ATRNL1: variants seen among roughly 807,000 people sequenced by gnomAD.
ATRNL1 encodes attractin-like protein 1.
In ATRNL1, 95 loss-of-function variants were observed where a neutral mutation model predicts 182.7. The ratio of observed to expected loss-of-function variants is 0.52; its 90% CI spans 0.44 to 0.62. The LOEUF is 0.62. Among genes scored for constraint, ATRNL1 ranks in the 20% least tolerant of loss-of-function variants. ATRNL1 has a pLI of 0.00. For synonymous variants in ATRNL1, 576 were observed against 568.3 expected, an observed-to-expected ratio of 1.01 and a Z score of -0.19; for missense variants, 1,471 against 1,679.5, an observed-to-expected ratio of 0.88 and a Z score of 2.17.
At chr10:115,274,849 A>T (rs1346301411) in intron 13 of ATRNL1, among the ~76,000 whole-genome samples, 1 of 152,232 alleles carries the variant, frequency 6.6e-6, no homozygotes, top group Admixed American at 6.5e-5. Flanking sequence ...TAATTGCCCA[A>T]GCAATGAAAC....
intron 27 of ATRNL1, among the ~76,000 whole-genome samples, chr10:115,832,000 T>C (rs569378839): frequency 1.3e-5 from 2 of 152,300 alleles, no homozygotes; most frequent in East Asian, 3.9e-4. Context: ...TGAAGTGATC[T>C]CAGAAAATAT....
chr10:115,334,764 AAT>A (rs1287662261), intron 19 of ATRNL1, among the ~76,000 whole-genome samples: 14 of 152,164 alleles, frequency 9.2e-5, no homozygotes, highest in African/African-American at 3.4e-4. Flanking sequence ...TGACTTCAGA[AAT>A]AATAATTAAA....
At chr10:115,318,928 T>C (rs1554930524) in intron 18 of ATRNL1, among the ~76,000 whole-genome samples, 1 of 152,166 alleles carries the variant, frequency 6.6e-6, no homozygotes, top group African/African-American at 2.4e-5. Context: ...TCTTGTCTTC[T>C]GCTAGCTTTT....
intron 27 of ATRNL1, among the ~76,000 whole-genome samples, chr10:115,836,452 G>A (rs782073990): frequency 6.6e-6 from 1 of 152,182 alleles, no homozygotes; most frequent in African/African-American, 2.4e-5. Flanking sequence ...CAGTCTGGGG[G>A]CTAGAAGTCT....
intron 26 of ATRNL1, among the ~76,000 whole-genome samples, chr10:115,664,456 T>C (rs571110562): frequency 6.6e-6 from 1 of 152,300 alleles, no homozygotes; most frequent in Admixed American, 6.5e-5. Context: ...ATGAATAATA[T>C]ATATGTGAAA....
chr10:115,302,465 A>G lies in ATRNL1; in HGVS notation c.2818+422A>G, dbSNP rs115974229. On this transcript the variant is annotated intron_variant, in intron 17 of 28. Coordinates refer to ENST00000355044, the MANE Select transcript of ATRNL1 (RefSeq NM_207303.4). ...TACCAATTGTTTTGGAGGTTTCTCA[A>G]TTTGGATTTGTCTAATTTTTCCCTC... 2.1e-3 allele frequency among the ~76,000 whole-genome samples: 322 copies of G among 152,250 alleles called. 1 individual carries two copies. Among genetic ancestry groups the G allele is most frequent in the African/African-American group, 7.1e-3 (296 of 41,556 alleles).
intron 26 of ATRNL1, among the ~76,000 whole-genome samples, chr10:115,625,365 C>A (rs529270469): frequency 3.9e-5 from 6 of 152,138 alleles, no homozygotes; most frequent in Admixed American, 2.6e-4. Flanking sequence ...TGGAAATTTT[C>A]AAAAATACTA....
chr10:115,440,972 G>C (rs996790807), intron 21 of ATRNL1, among the ~76,000 whole-genome samples: 1 of 151,684 alleles, frequency 6.6e-6, no homozygotes, highest in Non-Finnish European at 1.5e-5. Context: ...GAAAATATAA[G>C]CAAATAGATG....
At chr10:115,519,193 A>T in intron 24 of ATRNL1, 70 bp from the exon 25 acceptor site, 1 of 1,256,728 alleles carries the variant, frequency 8.0e-7, no homozygotes, top group Admixed American at 1.9e-5. Flanking sequence ...GTATTTACAA[A>T]TGTCATGAAA....
At chr10:115,842,217 C>T (rs905661223) in intron 27 of ATRNL1, among the ~76,000 whole-genome samples, 3 of 152,036 alleles carry the variant, frequency 2.0e-5, no homozygotes, top group Non-Finnish European at 4.4e-5. Flanking sequence ...AACATATCCA[C>T]ATTAATCCTT....
rs184529367 is a variant in ATRNL1, at chr10:115,783,886, G to A, written c.3903+56531G>A. Among the ~76,000 whole-genome samples, 533 of 152,172 alleles carry A rather than the reference G, an allele frequency of 3.5e-3. 2 individuals carry two copies. Among genetic ancestry groups the A allele is most frequent in the African/African-American group, 0.012 (510 of 41,528 alleles). Reference sequence around the variant, plus strand: ...AAATTAGCCAGGCGTGGTGGCGGGCGCCTGTTGTCCCAGCTACTTGGGAGG... The same window carrying A: ...AAATTAGCCAGGCGTGGTGGCGGGCACCTGTTGTCCCAGCTACTTGGGAGG... On this transcript the variant is annotated intron_variant, in intron 27 of 28. Coordinates refer to ENST00000355044, the MANE Select transcript of ATRNL1 (RefSeq NM_207303.4).
rs1053219095 is a variant in ATRNL1, at chr10:115,681,658, G to C, written c.3796-45590G>C. Among the ~76,000 whole-genome samples, 5 of 152,268 alleles carry C rather than the reference G, an allele frequency of 3.3e-5. No homozygotes were observed. The South Asian group carries it at 8.3e-4, about 25-fold the overall frequency. On this transcript the variant is annotated intron_variant, in intron 26 of 28. Transcript: ENST00000355044. ...TAGAGTGTAACTCAGTAGTTATCAT[G>C]TCATAATCAACTGAGGGGAATTCTT... is the stretch of plus-strand genomic sequence containing the variant.
At chr10:115,209,600 C>T (rs1848942152) in intron 8 of ATRNL1, among the ~76,000 whole-genome samples, 1 of 151,408 alleles carries the variant, frequency 6.6e-6, no homozygotes, top group African/African-American at 2.4e-5. Flanking sequence ...TGTCTTTTCT[C>T]ATTAATGACC....
At chr10:115,690,421 G>C (rs922291674) in intron 26 of ATRNL1, among the ~76,000 whole-genome samples, 5 of 152,166 alleles carry the variant, frequency 3.3e-5, no homozygotes, top group Non-Finnish European at 7.3e-5. Flanking sequence ...GCTCCTGTGA[G>C]AATCTGATGC....
intron 26 of ATRNL1, among the ~76,000 whole-genome samples, chr10:115,720,921 T>A (rs907925580): frequency 2.0e-5 from 3 of 152,212 alleles, no homozygotes; most frequent in African/African-American, 7.2e-5. Context: ...ATTTATTTCT[T>A]GAAATAACTT....
intron 5 of ATRNL1, among the ~76,000 whole-genome samples, chr10:115,135,613 A>G (rs574606806): frequency 1.8e-4 from 28 of 152,338 alleles, no homozygotes; most frequent in African/African-American, 6.7e-4. Context: ...ATACTGCCCA[A>G]GGTAATTTAT....
intron 1 of ATRNL1, among the ~76,000 whole-genome samples, chr10:115,112,043 A>G (rs1844276865): frequency 6.9e-6 from 1 of 145,362 alleles, no homozygotes; most frequent in South Asian, 2.2e-4. Context: ...TTACAATAGC[A>G]TCAAAAAACA....
chr10:115,329,082 G>A (rs1855067398), intron 18 of ATRNL1, among the ~76,000 whole-genome samples: 1 of 151,900 alleles, frequency 6.6e-6, no homozygotes, highest in Non-Finnish European at 1.5e-5. Context: ...CATAAAAAAT[G>A]TATAGAGTTC....
At chr10:115,829,007 C>T (rs1555092786) in intron 27 of ATRNL1, among the ~76,000 whole-genome samples, 1 of 152,092 alleles carries the variant, frequency 6.6e-6, no homozygotes, top group Non-Finnish European at 1.5e-5. Context: ...GATAAAGAGT[C>T]CTAACTTCTG....
Sources: allele counts gnomAD v4.1 joint callset (sites outside exome capture counted in the v4.1 genomes callset), GRCh38; gene constraint gnomAD v4.1.1; transcripts MANE v1.5; gene names NCBI Gene and HGNC (gene_info 2026-07-23, HGNC 2026-07-21).